Variants in LY6G5B observed in about 807,000 individuals in gnomAD.
LY6G5B encodes lymphocyte antigen 6 complex locus protein G5b.
Under a neutral mutation model 6.7 loss-of-function variants are expected in LY6G5B, and 6 were observed. That is an observed-to-expected ratio of 0.89 (90% CI 0.49 to 1.76). LY6G5B has a LOEUF of 1.76. LY6G5B is among the 40% of genes most tolerant of loss of function. The pLI, the probability that LY6G5B is intolerant of heterozygous loss-of-function variation, is 0.01. For missense variants in LY6G5B, 240 were observed against 249.5 expected, an observed-to-expected ratio of 0.96 and a Z score of 0.26; for synonymous variants, 98 against 99.4, an observed-to-expected ratio of 0.99 and a Z score of 0.09.
At chr6:31,672,239 T>C (rs1802288856) in exon 3 of LY6G5B, 1 of 1,613,058 alleles carries the variant, frequency 6.2e-7, no homozygotes, top group African/African-American at 1.3e-5. Context: ...TCAGGACTTT[T>C]GGTTCTTCCC....
At chr6:31,672,391 G>C (rs1264306655) in exon 3 of LY6G5B, 1 of 1,164,014 alleles carries the variant, frequency 8.6e-7, no homozygotes, top group Non-Finnish European at 1.2e-6. Flanking sequence ...TCCGTCTGTT[G>C]TACCACTAGC....
intron 2 of LY6G5B, 121 bp downstream of exon 2, chr6:31,671,405 A>G (rs966846706): frequency 1.1e-5 from 15 of 1,423,056 alleles, no homozygotes; most frequent in African/African-American, 1.4e-5. Flanking sequence ...GCTGAGTGCA[A>G]TGGCTCATGC....
chr6:31,672,230 C>G lies in LY6G5B; in HGVS notation c.554C>G (p.Ser185Ter), dbSNP rs778481990. ...CGCATGTACTTGTTCCTCAATAGTT[C>G]AGGACTTTTGGTTCTTCCCCAGGCT... The change falls in exon 3 of 3, where the codon TCA becomes TGA. Residue 185 changes from serine to a stop codon, truncating the protein, a stop_gained. Coordinates refer to ENST00000375864, the Ensembl canonical transcript of LY6G5B. LOFTEE classifies it low-confidence loss of function (END_TRUNC). 1 of 1,613,120 alleles carries G rather than the reference C, an allele frequency of 6.2e-7. No individual in the cohort carries two copies. Among genetic ancestry groups the G allele is most frequent in the Non-Finnish European group, 8.5e-7 (1 of 1,180,018 alleles).
chr6:31,671,149 T>C lies in LY6G5B; in HGVS notation c.59-7T>C. 1 of 1,614,008 alleles carries C rather than the reference T, an allele frequency of 6.2e-7. No individual in the cohort carries two copies. Among genetic ancestry groups the C allele is most frequent in the South Asian group, 1.1e-5 (1 of 91,064 alleles). ...CAGTGCCTCCATCCCTCCTTCTGCC[T>C]CCCCAGTTCCTGTTCCCGACATCCG... is the stretch of plus-strand genomic sequence containing the variant. On this transcript the variant is annotated splice_polypyrimidine_tract_variant and splice_region_variant and intron_variant, in intron 1 of 2. Transcript: ENST00000375864.
chr6:31,671,303 AG>A lies in LY6G5B; in HGVS notation c.187+23del. 3.1e-6 allele frequency: 5 copies of A among 1,612,806 alleles called. No homozygotes were observed. Among genetic ancestry groups the A allele is most frequent in the Non-Finnish European group, 4.2e-6 (5 of 1,179,916 alleles). On this transcript the variant is annotated intron_variant, in intron 2 of 2. Transcript: ENST00000375864. Reference sequence around the variant, plus strand: ...TATTATGGTAAATAAGGTCCCAGGAAGGGGCTGCTGGTGGGGCAGCCAATGG... The same window carrying A: ...TATTATGGTAAATAAGGTCCCAGGAAGGGCTGCTGGTGGGGCAGCCAATGG...
chr6:31,670,901 G>T (rs773441780), exon 1 of LY6G5B: 1 of 1,543,600 alleles, frequency 6.5e-7, no homozygotes. Flanking sequence ...CAGGAAGGTG[G>T]GGTTTCAGGG....
chr6:31,671,325 A>C (rs758931180), intron 2 of LY6G5B, 41 bp downstream of exon 2: 95 of 1,611,234 alleles, frequency 5.9e-5, no homozygotes, highest in Non-Finnish European at 7.9e-5. Context: ...TGGGGCAGCC[A>C]ATGGCTTGGT....
At chr6:31,673,476 AG>A (rs1330247888) in exon 3 of LY6G5B, 1 of 152,156 alleles carries the variant, frequency 6.6e-6, no homozygotes, top group Non-Finnish European at 1.5e-5. Context: ...GTGAGAGGAG[AG>A]GGAAGGGTCT....
chr6:31,672,533 C>T (rs866679712), exon 3 of LY6G5B: 4 of 521,090 alleles, frequency 7.7e-6, no homozygotes, highest in Non-Finnish European at 1.3e-5. Flanking sequence ...CAACCTCCAC[C>T]TCCCGGGTTC....
exon 3 of LY6G5B, chr6:31,672,009 A>T: frequency 6.2e-7 from 1 of 1,612,788 alleles, no homozygotes. Context: ...CAAGCCCCCA[A>T]CTCCAGAGCT....
chr6:31,671,214 AT>A lies in LY6G5B; in HGVS notation c.118del (p.Cys40AlafsTer18). On this transcript the variant is annotated frameshift_variant, in exon 2 of 3. Transcript: ENST00000375864. LOFTEE classifies it high-confidence loss of function. ...GCCTCGTAGAAGACCCTTCTGTAGGATGCATTTCAGGCTCAGAGAAGTGTAC... is the reference window on the plus strand; with the variant it reads ...GCCTCGTAGAAGACCCTTCTGTAGGAGCATTTCAGGCTCAGAGAAGTGTAC... 6.2e-7 allele frequency: 1 copy of A among 1,614,036 alleles called. No homozygotes were observed.
At position 31,671,138 on chromosome 6, in the gene LY6G5B, C is replaced by A; in HGVS notation, c.59-18C>A. 6.2e-7 allele frequency: 1 copy of A among 1,613,884 alleles called. No individual in the cohort carries two copies. The highest frequency in any genetic ancestry group is 2.2e-5 in the East Asian group (1 of 44,888). On this transcript the variant is annotated intron_variant, in intron 1 of 2. Transcript: ENST00000375864. Reference sequence around the variant, plus strand: ...TGAGAGTGACCCAGTGCCTCCATCCCTCCTTCTGCCTCCCCAGTTCCTGTT... The same window carrying A: ...TGAGAGTGACCCAGTGCCTCCATCCATCCTTCTGCCTCCCCAGTTCCTGTT...
At chr6:31,672,338 C>G (rs1802298210) in exon 3 of LY6G5B, 3 of 1,527,030 alleles carry the variant, frequency 2.0e-6, no homozygotes, top group Non-Finnish European at 2.7e-6. Context: ...ACTGCCCTCT[C>G]TGAAAACACC....
exon 1 of LY6G5B, chr6:31,670,624 G>A (rs1802140231): frequency 2.7e-6 from 1 of 366,880 alleles, no homozygotes; most frequent in Admixed American, 4.3e-5. Context: ...CCAAGGGAGG[G>A]AATAGGTCTT....
At chr6:31,672,009 A>G (rs767950972) in exon 3 of LY6G5B, 3 of 1,612,670 alleles carry the variant, frequency 1.9e-6, no homozygotes, top group African/African-American at 1.3e-5. Context: ...CAAGCCCCCA[A>G]CTCCAGAGCT....
intron 2 of LY6G5B, 143 bp downstream of exon 2, chr6:31,671,427 G>A (rs1802208444): frequency 1.6e-6 from 2 of 1,265,850 alleles, no homozygotes; most frequent in East Asian, 4.7e-5. Flanking sequence ...TGTAACCCTA[G>A]CACTTTGGGA....
In LY6G5B at chr6:31,671,301, G is replaced by A. The variant is rs1475383810; in HGVS notation, c.187+17G>A. 33 of 1,612,908 alleles carry A rather than the reference G, an allele frequency of 2.0e-5. No homozygotes were observed. Among genetic ancestry groups the A allele is most frequent in the African/African-American group, 6.7e-5 (5 of 75,024 alleles). On this transcript the variant is annotated intron_variant, in intron 2 of 2. Transcript: ENST00000375864. ...TCTATTATGGTAAATAAGGTCCCAG[G>A]AAGGGGCTGCTGGTGGGGCAGCCAA... is the stretch of plus-strand genomic sequence containing the variant.
exon 2 of LY6G5B, chr6:31,671,226 C>G (rs1487835617): frequency 6.2e-7 from 1 of 1,613,912 alleles, no homozygotes; most frequent in Non-Finnish European, 8.5e-7. Context: ...GCATTTCAGG[C>G]TCAGAGAAGT....
exon 3 of LY6G5B, chr6:31,672,273 C>G: frequency 6.2e-7 from 1 of 1,611,808 alleles, no homozygotes; most frequent in Non-Finnish European, 8.5e-7. Context: ...TGACACCTCA[C>G]CCTTCCTGAA....
Sources: gnomAD v4.1 joint callset for allele counts on GRCh38, gnomAD v4.1.1 for gene constraint, MANE v1.5 for transcripts, NCBI Gene and HGNC (gene_info 2026-07-23, HGNC 2026-07-21) for gene names.